The following USP24 variants were observed in gnomAD, a reference collection of about 807,000 sequenced individuals.
USP24 encodes ubiquitin carboxyl-terminal hydrolase 24.
A neutral mutation model predicts 361.6 loss-of-function variants in USP24; 97 were observed. The ratio of observed to expected loss-of-function variants is 0.27; its 90% CI spans 0.23 to 0.32. The LOEUF (loss-of-function observed/expected upper bound fraction) is 0.32. Ranked by LOEUF, USP24 falls within the 10% of genes least tolerant of loss-of-function variation. USP24 has a pLI of 1.00. For synonymous variants in USP24, 1,098 were observed against 1,124.6 expected (o/e 0.98, Z 0.47); for missense variants, 2,353 against 3,165.6 (o/e 0.74, Z 6.16).
At chr1:55,078,365 C>T (rs1171528338) in intron 61 of USP24, among the ~76,000 whole-genome samples, 173 bp downstream of exon 61, 1 of 151,734 alleles carries the variant, frequency 6.6e-6, no homozygotes, top group Non-Finnish European at 1.5e-5. Flanking sequence ...GTAATTAATC[C>T]ATGTAATTAA....
intron 48 of USP24, 65 bp from the exon 49 acceptor site, chr1:55,097,237 G>C: frequency 6.5e-7 from 1 of 1,530,724 alleles, no homozygotes; most frequent in Non-Finnish European, 8.9e-7. Context: ...ACCCAGTTAA[G>C]TGAGATCCAA....
intron 38 of USP24, among the ~76,000 whole-genome samples, chr1:55,111,002 A>T (rs1015374304): frequency 5.3e-5 from 8 of 152,176 alleles, no homozygotes; most frequent in Non-Finnish European, 1.0e-4. Flanking sequence ...GGTTATAAAA[A>T]ATGACAATAA....
chr1:55,125,822 C>T, intron 32 of USP24, 64 bp from the exon 33 acceptor site: 1 of 1,365,856 alleles, frequency 7.3e-7, no homozygotes, highest in South Asian at 1.3e-5. Context: ...TTTAAATTTT[C>T]CATAAGTAAT....
intron 38 of USP24, 94 bp from the exon 39 acceptor site, chr1:55,110,340 C>A (rs1033807846): frequency 9.4e-7 from 1 of 1,065,248 alleles, no homozygotes; most frequent in Admixed American, 3.4e-5. Flanking sequence ...AACAAGTGAG[C>A]AAGATAATTT....
At chr1:55,194,816 G>T (rs1160120928) in intron 1 of USP24, among the ~76,000 whole-genome samples, 2 of 152,030 alleles carry the variant, frequency 1.3e-5, no homozygotes, top group African/African-American at 4.8e-5. Flanking sequence ...CCTCGTCCCA[G>T]CCAGTTGGTC....
chr1:55,070,951 G>C (rs1244867013), intron 67 of USP24, among the ~76,000 whole-genome samples: 3 of 152,306 alleles, frequency 2.0e-5, no homozygotes, highest in African/African-American at 7.2e-5. Flanking sequence ...GGCCGCAGGA[G>C]CTCTCCTGTG....
At chr1:55,162,378 G>A (rs1648380989) in intron 7 of USP24, 114 bp from the exon 8 acceptor site, 1 of 809,586 alleles carries the variant, frequency 1.2e-6, no homozygotes, top group East Asian at 3.3e-5. Context: ...AGTTGATCAA[G>A]TCATGAATAG....
At chr1:55,171,252 T>C (rs1271573518) in intron 5 of USP24, among the ~76,000 whole-genome samples, 1 of 152,198 alleles carries the variant, frequency 6.6e-6, no homozygotes, top group Non-Finnish European at 1.5e-5. Context: ...CTCAACTCTC[T>C]CTAAGAAACT....
rs574924751 is a variant in USP24, at chr1:55,067,558, T to C, written c.*1487A>G. Reference sequence around the variant, plus strand: ...GCCAGAGAATGAAAAGACTGGGCCATGGCGAGAGCACAGTAATGAGATGCC... The same window carrying C: ...GCCAGAGAATGAAAAGACTGGGCCACGGCGAGAGCACAGTAATGAGATGCC... On this transcript the variant is annotated 3_prime_UTR_variant, in exon 68 of 68. Transcript: ENST00000294383. 4.6e-5 allele frequency: 7 copies of C among 152,354 alleles called. No homozygotes were observed. The East Asian group carries it at 1.2e-3, about 25-fold the overall frequency. The allele number at this position is 152,354 out of a possible 1,614,324, so 9.4% of individuals were successfully genotyped here.
chr1:55,137,724 A>C (rs1367018775), intron 27 of USP24, 36 bp from the exon 28 acceptor site: 1 of 1,591,474 alleles, frequency 6.3e-7, no homozygotes, highest in Non-Finnish European at 8.6e-7. Flanking sequence ...TGAGAGGAAA[A>C]GGAAGAGGAA....
At position 55,092,020 on chromosome 1, in the gene USP24, C is replaced by T; in HGVS notation, c.6554+3G>A. The T allele has an allele frequency of 6.2e-7, 1 of 1,601,074 alleles. No individual in the cohort carries two copies. The highest frequency in any genetic ancestry group is 1.7e-5 in the Admixed American group (1 of 59,128). On this transcript the variant is annotated splice_donor_region_variant and intron_variant, in intron 54 of 67. Transcript: ENST00000294383. The stretch of plus-strand genomic sequence containing the variant: ...CAGATTATCAAAACATATCACTTCT[C>T]ACCTGAGTTTCTTCTTTGTCCGTAG...
chr1:55,092,520 C>T (rs1417872818), intron 53 of USP24, among the ~76,000 whole-genome samples: 1 of 152,122 alleles, frequency 6.6e-6, no homozygotes, highest in Non-Finnish European at 1.5e-5. Flanking sequence ...CCACAAAGAC[C>T]AATATCCATT....
intron 55 of USP24, 90 bp downstream of exon 55, chr1:55,089,537 A>G: frequency 1.2e-6 from 1 of 831,942 alleles, no homozygotes; most frequent in Non-Finnish European, 1.9e-6. Flanking sequence ...AATAATTTCA[A>G]GTTGAAATAA....
chr1:55,090,494 T>C (rs1216834578), intron 54 of USP24, among the ~76,000 whole-genome samples: 1 of 152,232 alleles, frequency 6.6e-6, no homozygotes, highest in Non-Finnish European at 1.5e-5. Flanking sequence ...TTGATTATTA[T>C]ACATAAAAAT....
rs115754921 is a variant in USP24, at chr1:55,212,666, T to C, written c.324+2124A>G. ...TAAACCACAGAGGCACATTCTGCGT[T>C]AAATGTTTCCAAAAGGCTCCTGTGT... is the stretch of plus-strand genomic sequence containing the variant. On this transcript the variant is annotated intron_variant, in intron 1 of 67. Transcript: ENST00000294383. 5.2e-3 allele frequency among the ~76,000 whole-genome samples: 798 copies of C among 152,114 alleles called. 8 individuals carry two copies. The highest frequency in any genetic ancestry group is 0.018 in the African/African-American group (763 of 41,392).
At chr1:55,170,744 T>G (rs1570601571) in intron 5 of USP24, among the ~76,000 whole-genome samples, 2 of 152,358 alleles carry the variant, frequency 1.3e-5, no homozygotes, top group East Asian at 1.9e-4. Flanking sequence ...CCCTGGATTC[T>G]ATGTACAGTA....
chr1:55,079,766 G>A, intron 59 of USP24, 107 bp from the exon 60 acceptor site: 4 of 1,410,098 alleles, frequency 2.8e-6, no homozygotes, highest in Non-Finnish European at 3.7e-6. Context: ...CACACACACT[G>A]AGTACTCTCA....
At position 55,152,433 on chromosome 1, in the gene USP24, G is replaced by A. The variant is rs552956367; in HGVS notation, c.1860+1437C>T. On this transcript the variant is annotated intron_variant, in intron 16 of 67. Coordinates refer to ENST00000294383, the MANE Select transcript of USP24 (RefSeq NM_015306.3). ...CAGGAGGGATATTCTGGTTTCAAAC[G>A]CCACTTCCCTGGAGGGAGGGAAAAA... 8.7e-4 allele frequency among the ~76,000 whole-genome samples: 133 copies of A among 152,274 alleles called. 1 individual carries two copies. In the Middle Eastern group the frequency reaches 0.048, roughly 55 times the overall value.
intron 4 of USP24, 148 bp from the exon 5 acceptor site, chr1:55,171,826 T>A: frequency 1.1e-6 from 1 of 873,620 alleles, no homozygotes; most frequent in South Asian, 1.8e-5. Flanking sequence ...CCTTAGCTAG[T>A]GCAAAAGTGC....
Sources: gnomAD v4.1 joint callset for allele counts (sites outside exome capture counted in the v4.1 genomes callset) on GRCh38, gnomAD v4.1.1 for gene constraint, MANE v1.5 for transcripts, NCBI Gene and HGNC (gene_info 2026-07-23, HGNC 2026-07-21) for gene names.